The following LPIN1 variants were observed in gnomAD, a reference collection of about 807,000 sequenced individuals.
The protein encoded by LPIN1 is lipin 1.
In LPIN1, 71 loss-of-function variants were observed where a neutral mutation model predicts 107.5. The ratio of observed to expected loss-of-function variants is 0.66; its 90% CI spans 0.55 to 0.80. The LOEUF (loss-of-function observed/expected upper bound fraction) is 0.80. LPIN1 is among the 30% of genes least tolerant of loss of function. LPIN1 has a pLI of 0.00. For missense variants in LPIN1, 1,043 were observed against 1,160.6 expected (o/e 0.90, Z 1.47); for synonymous variants, 445 against 452.6 (o/e 0.98, Z 0.21).
intron 17 of LPIN1, among the ~76,000 whole-genome samples, chr2:11,810,480 A>G (rs1188625816): frequency 1.3e-5 from 2 of 152,118 alleles, no homozygotes; most frequent in East Asian, 3.9e-4. Flanking sequence ...TGAAGCAGGA[A>G]AGTAGGCAGG....
intron 1 of LPIN1, among the ~76,000 whole-genome samples, chr2:11,703,541 A>G (rs1322219145): frequency 6.6e-6 from 1 of 152,208 alleles, no homozygotes; most frequent in African/African-American, 2.4e-5. Context: ...ATAGGATTAG[A>G]TTTTATACAG....
At chr2:11,742,219 C>G (rs113264460), upstream of LPIN1, 9 of 152,332 alleles carry the variant, frequency 5.9e-5, 1 homozygote, top group African/African-American at 1.9e-4. Context: ...CAACTACAGA[C>G]TGCGTATACG....
At chr2:11,680,187 G>A (rs931807225) in intron 1 of LPIN1, among the ~76,000 whole-genome samples, 5 of 152,194 alleles carry the variant, frequency 3.3e-5, no homozygotes, top group Non-Finnish European at 7.3e-5. Context: ...AGAAGCCCAG[G>A]CAGGGCTGGC....
At chr2:11,696,129 T>G (rs940712789) in intron 1 of LPIN1, among the ~76,000 whole-genome samples, 4 of 150,636 alleles carry the variant, frequency 2.7e-5, no homozygotes, top group African/African-American at 7.4e-5. Context: ...TAGGTATACG[T>G]GTGCCATGGG....
At chr2:11,806,811 G>A (rs1329235821) in intron 17 of LPIN1, among the ~76,000 whole-genome samples, 1 of 152,140 alleles carries the variant, frequency 6.6e-6, no homozygotes, top group Non-Finnish European at 1.5e-5. Flanking sequence ...TTCCTTAAAA[G>A]TAGAACTACT....
chr2:11,769,028 C>T (rs1310670349), intron 3 of LPIN1, among the ~76,000 whole-genome samples: 1 of 152,142 alleles, frequency 6.6e-6, no homozygotes, highest in Admixed American at 6.5e-5. Context: ...TGGCTGTGAA[C>T]ATTTGTATAC....
chr2:11,769,877 T>A (rs1671570119), intron 3 of LPIN1, among the ~76,000 whole-genome samples: 1 of 152,122 alleles, frequency 6.6e-6, no homozygotes, highest in South Asian at 2.1e-4. Context: ...TAGCTCCAGG[T>A]TTTAAAGCAA....
At chr2:11,798,474 C>T (rs142065291) in intron 14 of LPIN1, among the ~76,000 whole-genome samples, 14 of 152,236 alleles carry the variant, frequency 9.2e-5, no homozygotes, top group African/African-American at 2.4e-4. Flanking sequence ...CAGCTCTTCC[C>T]ACGTTGGAAC....
intron 2 of LPIN1, among the ~76,000 whole-genome samples, chr2:11,715,463 G>A (rs565728605): frequency 8.5e-5 from 13 of 152,330 alleles, no homozygotes; most frequent in Admixed American, 7.8e-4. Context: ...GTTGGATCAG[G>A]AGTGCAAAAT....
At chr2:11,724,978 C>T (rs912978449) in intron 1 of LPIN1, among the ~76,000 whole-genome samples, 5 of 152,140 alleles carry the variant, frequency 3.3e-5, no homozygotes, top group East Asian at 1.9e-4. Flanking sequence ...ATGGGGAATG[C>T]GTGGCCGGGC....
upstream of LPIN1, among the ~76,000 whole-genome samples, chr2:11,719,824 T>G (rs1664003418): frequency 6.7e-6 from 1 of 148,304 alleles, no homozygotes; most frequent in Admixed American, 6.9e-5. Flanking sequence ...GCATGAATCA[T>G]TGTGGCATGG....
intron 1 of LPIN1, among the ~76,000 whole-genome samples, chr2:11,750,714 G>A (rs1317486710): frequency 6.6e-6 from 1 of 152,182 alleles, no homozygotes; most frequent in Non-Finnish European, 1.5e-5. Context: ...TTAGTAACCT[G>A]TCTTTGATCA....
At chr2:11,807,681 G>A (rs1051477347) in intron 17 of LPIN1, among the ~76,000 whole-genome samples, 12 of 152,098 alleles carry the variant, frequency 7.9e-5, no homozygotes, top group African/African-American at 2.4e-4. Flanking sequence ...GATACTGCCC[G>A]GAGCATGATG....
chr2:11,818,258 T>C (rs907530093), intron 18 of LPIN1: 1 of 152,228 alleles, frequency 6.6e-6, no homozygotes, highest in Admixed American at 6.5e-5. Flanking sequence ...TAGAGCAATT[T>C]AGGAAGAATT....
chr2:11,680,783 C>T (rs757853451), intron 1 of LPIN1, among the ~76,000 whole-genome samples: 5 of 152,158 alleles, frequency 3.3e-5, no homozygotes, highest in African/African-American at 9.6e-5. Flanking sequence ...TGGTGACATT[C>T]GTCTTGGTCA....
At chr2:11,729,755 T>G (rs534261650) in intron 1 of LPIN1, among the ~76,000 whole-genome samples, 1 of 152,360 alleles carries the variant, frequency 6.6e-6, no homozygotes, top group Admixed American at 6.5e-5. Context: ...AATTTGCCTT[T>G]TCTCTGGCTG....
At chr2:11,750,030 T>C (rs559245263) in intron 1 of LPIN1, among the ~76,000 whole-genome samples, 2 of 152,362 alleles carry the variant, frequency 1.3e-5, no homozygotes, top group South Asian at 4.1e-4. Flanking sequence ...AGACCCTGCA[T>C]GGGAGACACA....
chr2:11,709,283 T>C (rs1170010946), intron 1 of LPIN1, among the ~76,000 whole-genome samples: 2 of 152,056 alleles, frequency 1.3e-5, no homozygotes, highest in Non-Finnish European at 1.5e-5. Flanking sequence ...TGTAGGAGGG[T>C]GTATGCATGT....
intron 1 of LPIN1, among the ~76,000 whole-genome samples, chr2:11,730,162 CT>C (rs1303820631): frequency 6.6e-6 from 1 of 151,962 alleles, no homozygotes; most frequent in Non-Finnish European, 1.5e-5. Flanking sequence ...TGTTTGGTTC[CT>C]TTTTTTGTTC....
Sources: allele counts gnomAD v4.1 joint callset (sites outside exome capture counted in the v4.1 genomes callset), GRCh38; gene constraint gnomAD v4.1.1; transcripts MANE v1.5; gene names NCBI Gene and HGNC (gene_info 2026-07-23, HGNC 2026-07-21).